Variants in SLC10A7 observed in about 807,000 individuals in gnomAD.
SLC10A7 encodes the protein solute carrier family 10 member 7, also known as sodium/bile acid cotransporter 7.
Under a neutral mutation model 43.2 loss-of-function variants are expected in SLC10A7, and 29 were observed. The observed-to-expected ratio is 0.67, with a 90% CI of 0.50 to 0.92. The LOEUF is 0.92. Ranked by LOEUF, SLC10A7 falls within the 40% of genes least tolerant of loss-of-function variation. The pLI, the probability that SLC10A7 is intolerant of heterozygous loss-of-function variation, is 0.00. For synonymous variants in SLC10A7, 152 were observed against 144.8 expected, an observed-to-expected ratio of 1.05 and a Z score of -0.35; for missense variants, 295 against 403.2, an observed-to-expected ratio of 0.73 and a Z score of 2.30.
chr4:146,498,289 T>A (rs1306151850), intron 4 of SLC10A7, among the ~76,000 whole-genome samples: 2 of 152,156 alleles, frequency 1.3e-5, no homozygotes, highest in East Asian at 3.9e-4. Flanking sequence ...GGCTAATTTT[T>A]GTATTTTTAG....
At chr4:146,401,808 T>C (rs1244445025) in intron 5 of SLC10A7, among the ~76,000 whole-genome samples, 2 of 152,320 alleles carry the variant, frequency 1.3e-5, no homozygotes, top group African/African-American at 2.4e-5. Context: ...TCAAATAATA[T>C]AGAAGTGTAA....
At chr4:146,440,585 A>AT (rs1313045502) in intron 5 of SLC10A7, among the ~76,000 whole-genome samples, 1 of 151,942 alleles carries the variant, frequency 6.6e-6, no homozygotes, top group Non-Finnish European at 1.5e-5. Context: ...ATCACTATCA[A>AT]TTTTTTTCTC....
At chr4:146,510,564 T>A (rs936539493) in intron 2 of SLC10A7, among the ~76,000 whole-genome samples, 3 of 152,142 alleles carry the variant, frequency 2.0e-5, no homozygotes, top group African/African-American at 2.4e-5. Context: ...TGGCCTAAAA[T>A]TTTTTAAATG....
chr4:146,442,694 G>C (rs759453048), intron 5 of SLC10A7, 89 bp downstream of exon 5: 1 of 1,558,766 alleles, frequency 6.4e-7, no homozygotes, highest in Non-Finnish European at 8.6e-7. Context: ...TAACCAAAGA[G>C]TAAAACAAAT....
chr4:146,430,861 T>G (rs991472143), intron 5 of SLC10A7, among the ~76,000 whole-genome samples: 2 of 152,144 alleles, frequency 1.3e-5, no homozygotes, highest in Non-Finnish European at 2.9e-5. Context: ...AGAATTTTTT[T>G]CCCCTGATCA....
intron 6 of SLC10A7, among the ~76,000 whole-genome samples, chr4:146,317,754 G>A (rs1732422556): frequency 6.6e-6 from 1 of 151,806 alleles, no homozygotes; most frequent in South Asian, 2.1e-4. Flanking sequence ...GGGTTCTTGG[G>A]TCTTTTGGCT....
chr4:146,434,310 T>C (rs116675951), intron 5 of SLC10A7, among the ~76,000 whole-genome samples: 5,174 of 112,368 alleles, frequency 0.046, 107 homozygotes, highest in Non-Finnish European at 0.06. Flanking sequence ...TACAGCAGCT[T>C]TTTGAAAGTT....
At chr4:146,383,492 G>A (rs1210087873) in intron 5 of SLC10A7, among the ~76,000 whole-genome samples, 1 of 152,180 alleles carries the variant, frequency 6.6e-6, no homozygotes, top group East Asian at 1.9e-4. Context: ...GAAATCTCTA[G>A]ACGATATTTA....
chr4:146,303,266 T>C (rs1024545746), intron 7 of SLC10A7, among the ~76,000 whole-genome samples: 7 of 152,188 alleles, frequency 4.6e-5, no homozygotes, highest in Admixed American at 1.3e-4. Context: ...GGGTACTCCC[T>C]AGTAAACTTC....
chr4:146,277,047 A>T (rs982065968), intron 10 of SLC10A7, among the ~76,000 whole-genome samples: 2 of 152,222 alleles, frequency 1.3e-5, no homozygotes, highest in African/African-American at 4.8e-5. Flanking sequence ...TAAGCAAGCT[A>T]TAAAGCAATC....
intron 2 of SLC10A7, chr4:146,513,814 C>T (rs952246826): frequency 1.3e-5 from 2 of 152,108 alleles, no homozygotes; most frequent in African/African-American, 4.8e-5. Context: ...CTGTAAATTC[C>T]AAAATAGTTA....
At chr4:146,468,264 T>A (rs894667732) in intron 4 of SLC10A7, among the ~76,000 whole-genome samples, 1 of 152,122 alleles carries the variant, frequency 6.6e-6, no homozygotes, top group African/African-American at 2.4e-5. Context: ...AACTATATCA[T>A]CATCAATATT....
chr4:146,301,500 G>C (rs1731159594), intron 7 of SLC10A7, among the ~76,000 whole-genome samples: 1 of 152,088 alleles, frequency 6.6e-6, no homozygotes, highest in Admixed American at 6.5e-5. Flanking sequence ...AATATGAATT[G>C]ATTTGTGTTT....
At position 146,276,100 on chromosome 4, in the gene SLC10A7, C is replaced by G. The variant is rs543989623; in HGVS notation, c.847+7092G>C. ...TTCTTATAGCAAGTGGGAAGTCTCT[C>G]TCAAACTTTTAGGCAGTCCAGATAT... On this transcript the variant is annotated intron_variant, in intron 10 of 11. Transcript: ENST00000335472. Among the ~76,000 whole-genome samples, 431 of 152,278 alleles carry G rather than the reference C, an allele frequency of 2.8e-3. 1 individual carries two copies. Among genetic ancestry groups the G allele is most frequent in the African/African-American group, 9.7e-3 (405 of 41,564 alleles).
chr4:146,418,364 C>T (rs189628209), intron 5 of SLC10A7, among the ~76,000 whole-genome samples: 7 of 152,244 alleles, frequency 4.6e-5, no homozygotes, highest in Admixed American at 3.3e-4. Context: ...AAGTCAGCTG[C>T]AGGCTTAAAT....
At chr4:146,264,515 T>C (rs954176716) in intron 10 of SLC10A7, among the ~76,000 whole-genome samples, 3 of 152,222 alleles carry the variant, frequency 2.0e-5, no homozygotes, top group Admixed American at 2.0e-4. Flanking sequence ...GCCTCTGCTA[T>C]ATGTGAGTTA....
intron 4 of SLC10A7, among the ~76,000 whole-genome samples, chr4:146,456,962 G>A (rs1732117149): frequency 6.6e-6 from 1 of 151,736 alleles, no homozygotes; most frequent in Non-Finnish European, 1.5e-5. Flanking sequence ...CCAAGAACTT[G>A]GGTCAAAGAC....
intron 10 of SLC10A7, among the ~76,000 whole-genome samples, chr4:146,263,036 C>G (rs907901675): frequency 6.6e-6 from 1 of 152,232 alleles, no homozygotes; most frequent in African/African-American, 2.4e-5. Flanking sequence ...ACCTTGTGGT[C>G]CTCCCACCCA....
intron 7 of SLC10A7, among the ~76,000 whole-genome samples, chr4:146,304,425 A>G (rs914225969): frequency 2.0e-5 from 3 of 151,880 alleles, no homozygotes; most frequent in Admixed American, 6.6e-5. Context: ...CTTTGAATGC[A>G]TCCCAGAGAT....
Sources: gnomAD v4.1 joint callset for allele counts (sites outside exome capture counted in the v4.1 genomes callset) on GRCh38, gnomAD v4.1.1 for gene constraint, MANE v1.5 for transcripts, NCBI Gene and HGNC (gene_info 2026-07-23, HGNC 2026-07-21) for gene names.